Variants in AGBL4 observed in about 807,000 individuals in gnomAD.
The protein encoded by AGBL4 is cytosolic carboxypeptidase 6.
A neutral mutation model predicts 66.4 loss-of-function variants in AGBL4; 58 were observed. The observed-to-expected ratio is 0.87, with a 90% CI of 0.71 to 1.09. AGBL4 has a LOEUF of 1.09. AGBL4 is among the 50% of genes least tolerant of loss of function. AGBL4 has a pLI of 0.00. For synonymous variants in AGBL4, 234 were observed against 222.9 expected (o/e 1.05, Z -0.44); for missense variants, 579 against 631.0 (o/e 0.92, Z 0.88).
At chr1:49,962,933 C>T (rs750110767) in intron 1 of AGBL4, among the ~76,000 whole-genome samples, 13 of 152,066 alleles carry the variant, frequency 8.5e-5, no homozygotes, top group South Asian at 8.3e-4. Context: ...AGACAAGATT[C>T]AAACCCAGAC....
At chr1:48,910,424 G>A (rs1026930240) in intron 5 of AGBL4, among the ~76,000 whole-genome samples, 2 of 152,142 alleles carry the variant, frequency 1.3e-5, no homozygotes, top group African/African-American at 4.8e-5. Flanking sequence ...TTTTGGTGTG[G>A]TAGATTCACT....
chr1:48,926,340 C>CA (rs1272254638), intron 5 of AGBL4, among the ~76,000 whole-genome samples: 4 of 151,360 alleles, frequency 2.6e-5, no homozygotes, highest in African/African-American at 9.7e-5. Context: ...AGTGCAGTGG[C>CA]ATGATCTGGG....
chr1:48,524,222 A>C, the AGBL4 span, among the ~76,000 whole-genome samples: 1 of 152,118 alleles, frequency 6.6e-6, no homozygotes, highest in Non-Finnish European at 1.5e-5. Context: ...CACTTTGGAG[A>C]GGTATTAGGG....
intron 4 of AGBL4, among the ~76,000 whole-genome samples, chr1:49,099,096 T>G (rs1645157544): frequency 6.6e-6 from 1 of 152,192 alleles, no homozygotes; most frequent in South Asian, 2.1e-4. Flanking sequence ...ACAATGGTTC[T>G]TTTCATATAA....
chr1:49,347,035 A>C (rs534125521), intron 3 of AGBL4, among the ~76,000 whole-genome samples: 1 of 152,186 alleles, frequency 6.6e-6, no homozygotes, highest in African/African-American at 2.4e-5. Flanking sequence ...AAGCATTCTT[A>C]GTTTAAGTTT....
chr1:49,530,274 A>AAAAAAAAAAC (rs1553221141), intron 3 of AGBL4, among the ~76,000 whole-genome samples: 3 of 134,822 alleles, frequency 2.2e-5, no homozygotes, highest in African/African-American at 9.7e-5. Context: ...AAAAAAAAAC[A>AAAAAAAAAAC]AAAAAAAACT....
At chr1:48,643,784 A>G (rs368459179) in intron 8 of AGBL4, among the ~76,000 whole-genome samples, 1 of 44,588 alleles carries the variant, frequency 2.2e-5, no homozygotes, top group South Asian at 9.7e-4. Context: ...GAAAAGAAGC[A>G]GAGCCCGTTT....
chr1:48,675,864 T>C (rs60151408), intron 6 of AGBL4, among the ~76,000 whole-genome samples: 3,103 of 152,372 alleles, frequency 0.02, 44 homozygotes, highest in South Asian at 0.047. Context: ...AGTTCTTATA[T>C]AACTTCTCCA....
Position 49,384,671 on chromosome 1 carries a change from G to A in AGBL4, c.283-138807C>T, listed in dbSNP as rs573012032. Among the ~76,000 whole-genome samples, 10 of 152,250 alleles carry A rather than the reference G, an allele frequency of 6.6e-5. No homozygotes were observed. In the South Asian group the frequency reaches 1.9e-3, roughly 28 times the overall value. On this transcript the variant is annotated intron_variant, in intron 3 of 13. Transcript: ENST00000371839. ...AAGATGTTTACTCTCATTATCACCAGAGAAATGCAAGTCAAAACCACAATA... is the reference window on the plus strand; with the variant it reads ...AAGATGTTTACTCTCATTATCACCAAAGAAATGCAAGTCAAAACCACAATA...
At chr1:48,996,268 G>A (rs1397323974) in intron 5 of AGBL4, among the ~76,000 whole-genome samples, 2 of 152,160 alleles carry the variant, frequency 1.3e-5, no homozygotes, top group Non-Finnish European at 2.9e-5. Flanking sequence ...GAGAAGTTAA[G>A]GTTGAAAATG....
intron 3 of AGBL4, among the ~76,000 whole-genome samples, chr1:49,264,579 T>C (rs1031103782): frequency 7.2e-5 from 11 of 151,900 alleles, no homozygotes; most frequent in African/African-American, 2.4e-4. Context: ...GGAGTCTCAC[T>C]CTGTCACCCA....
At chr1:49,504,599 T>C (rs1648506957) in intron 3 of AGBL4, among the ~76,000 whole-genome samples, 1 of 152,098 alleles carries the variant, frequency 6.6e-6, no homozygotes, top group Non-Finnish European at 1.5e-5. Context: ...TAATGTCTTC[T>C]TTGTCTATTT....
At chr1:49,651,276 C>G (rs946212463) in intron 3 of AGBL4, among the ~76,000 whole-genome samples, 2 of 152,074 alleles carry the variant, frequency 1.3e-5, no homozygotes, top group Non-Finnish European at 2.9e-5. Context: ...CGCCCCCTAC[C>G]CCTCTCCCCA....
intron 6 of AGBL4, among the ~76,000 whole-genome samples, chr1:48,831,319 C>T (rs1646547393): frequency 1.3e-5 from 2 of 152,276 alleles, no homozygotes; most frequent in Admixed American, 1.3e-4. Context: ...CTCCTCCCTC[C>T]TACTGGGGCC....
At chr1:49,422,087 T>C (rs1372408307) in intron 3 of AGBL4, among the ~76,000 whole-genome samples, 1 of 152,210 alleles carries the variant, frequency 6.6e-6, no homozygotes, top group Non-Finnish European at 1.5e-5. Context: ...AATCAATTCA[T>C]AGATAGTTAC....
rs551709520 is a variant in AGBL4, at chr1:48,828,450, G to A, written c.634+38741C>T. ...TCCCTTTGACCCTTATGCCCAGGGT[G>A]AGAGTATCTTCCTATTGTTGCTAAT... On this transcript the variant is annotated intron_variant, in intron 6 of 13. Coordinates refer to ENST00000371839, the MANE Select transcript of AGBL4 (RefSeq NM_032785.4). Among the ~76,000 whole-genome samples the A allele has an allele frequency of 2.0e-5, 3 of 152,262 alleles. No individual in the cohort carries two copies. In the East Asian group the frequency reaches 5.8e-4, roughly 29 times the overall value.
At chr1:49,065,005 G>GA (rs1401402454) in intron 4 of AGBL4, among the ~76,000 whole-genome samples, 1 of 152,054 alleles carries the variant, frequency 6.6e-6, no homozygotes, top group African/African-American at 2.4e-5. Flanking sequence ...AGGCCAGGAA[G>GA]AAAAAAATTT....
chr1:48,715,982 A>G (rs1647043887), intron 6 of AGBL4, among the ~76,000 whole-genome samples: 1 of 152,196 alleles, frequency 6.6e-6, no homozygotes, highest in African/African-American at 2.4e-5. Flanking sequence ...CAGTGGAGCA[A>G]GCCAACGGGA....
intron 9 of AGBL4, among the ~76,000 whole-genome samples, chr1:48,609,034 G>A (rs956158698): frequency 1.3e-5 from 2 of 152,146 alleles, no homozygotes; most frequent in Non-Finnish European, 2.9e-5. Flanking sequence ...GGGTTACGTA[G>A]GGAAGCCAAG....
Sources: allele counts gnomAD v4.1 joint callset (sites outside exome capture counted in the v4.1 genomes callset), GRCh38; gene constraint gnomAD v4.1.1; transcripts MANE v1.5; gene names NCBI Gene and HGNC (gene_info 2026-07-23, HGNC 2026-07-21).